The following PCDHA2 variants were observed in gnomAD, a reference collection of about 807,000 sequenced individuals.
The protein encoded by PCDHA2 is protocadherin alpha 2.
Under a neutral mutation model 66.0 loss-of-function variants are expected in PCDHA2, and 58 were observed. The ratio of observed to expected loss-of-function variants is 0.88; its 90% CI spans 0.71 to 1.09. PCDHA2 has a LOEUF of 1.09. Ranked by LOEUF, PCDHA2 falls within the 50% of genes least tolerant of loss-of-function variation. PCDHA2 has a pLI of 0.00. For missense variants in PCDHA2, 1,267 were observed against 1,242.3 expected (o/e 1.02, Z -0.30); for synonymous variants, 634 against 554.0 (o/e 1.14, Z -2.03).
At chr5:140,968,835 A>C in intron 1 of PCDHA2, 2 of 1,614,194 alleles carry the variant, frequency 1.2e-6, no homozygotes, top group Non-Finnish European at 1.7e-6. Flanking sequence ...ATCCTCCCTG[A>C]CACTCAGAGG....
intron 1 of PCDHA2, among the ~76,000 whole-genome samples, chr5:140,902,368 A>G (rs1554190412): frequency 6.6e-6 from 1 of 151,696 alleles, no homozygotes; most frequent in Admixed American, 6.6e-5. Flanking sequence ...TCTCTTGTCT[A>G]ATTGCTCTAG....
chr5:140,862,916 G>A, intron 1 of PCDHA2: 1 of 547,890 alleles, frequency 1.8e-6, no homozygotes, highest in Non-Finnish European at 3.5e-6. Context: ...CTGGCGCCTT[G>A]GGTGGGCTGG....
In PCDHA2 at chr5:140,794,865, G is replaced by T. The variant is rs782230861; in HGVS notation, c.-100G>T. On this transcript the variant is annotated 5_prime_UTR_variant, in exon 1 of 4. Transcript: ENST00000526136. ...AGCCCCTTTGTTACTTCAGAGAAGC[G>T]GAGGAATAAGAGAAGCAGCAGGACT... 39 of 1,298,108 alleles carry T rather than the reference G, an allele frequency of 3.0e-5. No homozygotes were observed. Among genetic ancestry groups the T allele is most frequent in the Non-Finnish European group, 3.9e-5 (37 of 939,112 alleles). 80.4% of individuals were successfully genotyped at this position (1,298,108 alleles called of 1,614,324 possible).
At chr5:140,846,374 T>TTC (rs1554141279) in intron 1 of PCDHA2, among the ~76,000 whole-genome samples, 10 of 30,854 alleles carry the variant, frequency 3.2e-4, no homozygotes, top group African/African-American at 1.1e-3. Context: ...TCTTTCTTTC[T>TTC]TTTTTTTTTT....
intron 1 of PCDHA2, among the ~76,000 whole-genome samples, chr5:140,845,512 T>C (rs2150379573): frequency 1.1e-4 from 17 of 149,824 alleles, no homozygotes; most frequent in Admixed American, 1.1e-3. Flanking sequence ...ACCTATTTCT[T>C]GTACATTAAT....
At chr5:140,801,731 T>C in intron 1 of PCDHA2, 1 of 1,614,130 alleles carries the variant, frequency 6.2e-7, no homozygotes, top group South Asian at 1.1e-5. Context: ...CTGAATATTT[T>C]ACCTTGGACG....
intron 1 of PCDHA2, chr5:140,930,281 A>G (rs1554207692): frequency 6.6e-6 from 1 of 152,242 alleles, no homozygotes; most frequent in Non-Finnish European, 1.5e-5. Flanking sequence ...TAGGGGACAA[A>G]TACACTTAAC....
At chr5:140,867,122 T>C (rs2049769007) in intron 1 of PCDHA2, 1 of 152,160 alleles carries the variant, frequency 6.6e-6, no homozygotes. Context: ...TTGTTTTAAT[T>C]CAAATATGTG....
intron 1 of PCDHA2, chr5:140,884,567 A>T (rs1562807924): frequency 6.2e-7 from 1 of 1,614,120 alleles, no homozygotes; most frequent in Non-Finnish European, 8.5e-7. Context: ...CCCGCATAAG[A>T]CGGACCTCAT....
intron 1 of PCDHA2, chr5:140,861,891 C>T (rs2047126506): frequency 6.5e-6 from 1 of 154,838 alleles, no homozygotes; most frequent in African/African-American, 2.4e-5. Flanking sequence ...CTGACAGGCA[C>T]CAAAGCATTA....
At chr5:140,808,535 G>C in intron 1 of PCDHA2, 4 of 1,614,180 alleles carry the variant, frequency 2.5e-6, no homozygotes, top group Non-Finnish European at 1.7e-6. Context: ...TGATGTGAAC[G>C]ACAACGCTCC....
chr5:140,981,459 A>C (rs1267670163), intron 2 of PCDHA2, among the ~76,000 whole-genome samples: 1 of 152,176 alleles, frequency 6.6e-6, no homozygotes, highest in Non-Finnish European at 1.5e-5. Context: ...CTGTAGTCCC[A>C]GCTACTTGGG....
At chr5:140,898,972 C>G (rs1180112967) in intron 1 of PCDHA2, among the ~76,000 whole-genome samples, 2 of 151,980 alleles carry the variant, frequency 1.3e-5, no homozygotes, top group African/African-American at 4.8e-5. Flanking sequence ...GGAGTTCACT[C>G]ATGATTTGGC....
At chr5:140,828,495 T>A (rs2150156058) in intron 1 of PCDHA2, 1 of 1,614,162 alleles carries the variant, frequency 6.2e-7, no homozygotes, top group Admixed American at 1.7e-5. Context: ...TTGTTCCCGG[T>A]AGAGGAACAA....
rs1770571221 is a variant in PCDHA2 at position 140,829,790 on chromosome 5, G to C, written c.2388+32438G>C. On this transcript the variant is annotated intron_variant, in intron 1 of 3. Transcript: ENST00000526136. ...GAACGACAACGCGCCGGCGCTGCTG[G>C]CGCCTCGGGTGGGTGGTACTGGTGG... 4 of 1,613,718 alleles carry C rather than the reference G, an allele frequency of 2.5e-6. No individual in the cohort carries two copies. In the East Asian group the frequency reaches 8.9e-5, roughly 36 times the overall value.
chr5:140,852,333 A>G, intron 1 of PCDHA2: 1 of 262,614 alleles, frequency 3.8e-6, no homozygotes, highest in Non-Finnish European at 6.4e-6. Context: ...GCTGGAGTAC[A>G]GTGGCATGAT....
At chr5:140,825,764 T>C (rs1329877906) in intron 1 of PCDHA2, 5 of 152,510 alleles carry the variant, frequency 3.3e-5, no homozygotes, top group African/African-American at 4.8e-5. Flanking sequence ...ATCTCCTCAG[T>C]TGTGCAAATT....
chr5:140,912,227 C>T (rs1422799663), intron 1 of PCDHA2, among the ~76,000 whole-genome samples: 1 of 151,784 alleles, frequency 6.6e-6, no homozygotes, highest in Non-Finnish European at 1.5e-5. Flanking sequence ...TTTCCCAGTC[C>T]ACTGACTCAA....
At chr5:140,859,740 G>A (rs2045997689) in intron 1 of PCDHA2, 1 of 154,064 alleles carries the variant, frequency 6.5e-6, no homozygotes. Flanking sequence ...ATTTAAGCAT[G>A]GCATTCTTTC....
Sources: gnomAD v4.1 joint callset for allele counts (sites outside exome capture counted in the v4.1 genomes callset) on GRCh38, gnomAD v4.1.1 for gene constraint, MANE v1.5 for transcripts, NCBI Gene and HGNC (gene_info 2026-07-23, HGNC 2026-07-21) for gene names.